SOX6: variants seen among roughly 807,000 people sequenced by gnomAD.
The protein encoded by SOX6 is SRY-box transcription factor 6, also known as transcription factor SOX-6.
SOX6 carries 11 observed loss-of-function variants against 97.8 expected under a neutral mutation model. The observed-to-expected ratio is 0.11, with a 90% CI of 0.07 to 0.19. The LOEUF (loss-of-function observed/expected upper bound fraction) is 0.19. Among genes scored for constraint, SOX6 ranks in the 10% least tolerant of loss-of-function variants. SOX6 has a pLI of 1.00. For synonymous variants in SOX6, 360 were observed against 371.4 expected, an observed-to-expected ratio of 0.97 and a Z score of 0.35; for missense variants, 810 against 1,039.5, an observed-to-expected ratio of 0.78 and a Z score of 3.04.
chr11:16,686,090 A>T (rs576879546), intron 3 of SOX6, among the ~76,000 whole-genome samples: 3 of 152,350 alleles, frequency 2.0e-5, no homozygotes, highest in Admixed American at 1.3e-4. Context: ...GGCCCATAAA[A>T]GCATTCTTGC....
At chr11:16,202,831 A>C (rs1851975497) in intron 4 of SOX6, among the ~76,000 whole-genome samples, 1 of 152,206 alleles carries the variant, frequency 6.6e-6, no homozygotes, top group South Asian at 2.1e-4. Flanking sequence ...ATAGCTAACT[A>C]CTAAAGACTA....
chr11:16,277,909 T>C (rs1448452096), intron 3 of SOX6, among the ~76,000 whole-genome samples: 1 of 152,118 alleles, frequency 6.6e-6, no homozygotes, highest in East Asian at 1.9e-4. Context: ...AATTTTATCA[T>C]TTACAAAGTA....
At chr11:16,638,172 T>C (rs991288184) in intron 3 of SOX6, among the ~76,000 whole-genome samples, 1 of 151,464 alleles carries the variant, frequency 6.6e-6, no homozygotes, top group African/African-American at 2.4e-5. Context: ...TTTTTGTCCT[T>C]GCGATAGTTT....
At chr11:16,021,927 C>T (rs1173079146) in intron 12 of SOX6, among the ~76,000 whole-genome samples, 1 of 151,940 alleles carries the variant, frequency 6.6e-6, no homozygotes, top group African/African-American at 2.4e-5. Flanking sequence ...TGTTATCAAC[C>T]AGAAGAAGGT....
At chr11:16,574,726 T>C (rs1467796216) in intron 4 of SOX6, among the ~76,000 whole-genome samples, 3 of 152,042 alleles carry the variant, frequency 2.0e-5, no homozygotes, top group African/African-American at 4.8e-5. Context: ...CAGAATTGTA[T>C]AGAATTTATA....
chr11:16,130,492 A>C (rs1036188364), intron 6 of SOX6, among the ~76,000 whole-genome samples: 4 of 151,966 alleles, frequency 2.6e-5, no homozygotes, highest in African/African-American at 9.7e-5. Flanking sequence ...ACAAAGGAAA[A>C]TTTTGAAACA....
chr11:16,028,732 C>T (rs1221864102), intron 12 of SOX6, among the ~76,000 whole-genome samples: 3 of 152,116 alleles, frequency 2.0e-5, no homozygotes, highest in East Asian at 1.9e-4. Context: ...CTCCACATAT[C>T]GGCCGTTTGT....
At chr11:16,633,309 C>T (rs927715363) in intron 3 of SOX6, among the ~76,000 whole-genome samples, 1 of 152,174 alleles carries the variant, frequency 6.6e-6, no homozygotes, top group Non-Finnish European at 1.5e-5. Flanking sequence ...ATTGTCAATG[C>T]TATGCTACCT....
At chr11:16,276,659 T>C (rs930793719) in intron 3 of SOX6, among the ~76,000 whole-genome samples, 2 of 152,206 alleles carry the variant, frequency 1.3e-5, no homozygotes, top group African/African-American at 4.8e-5. Flanking sequence ...GCCAGAGGAT[T>C]TGCAGGAATG....
At chr11:16,349,715 A>AGGAAAGAAGGAAGGAAGAAG (rs369882029) in intron 1 of SOX6, among the ~76,000 whole-genome samples, 2 of 41,730 alleles carry the variant, frequency 4.8e-5, no homozygotes, top group Non-Finnish European at 9.3e-5. Flanking sequence ...GAAGGAAGGA[A>AGGAAAGAAGGAAGGAAGAAG]GAAGGAAGGA....
At chr11:16,206,420 T>C (rs1852074056) in intron 4 of SOX6, among the ~76,000 whole-genome samples, 2 of 152,176 alleles carry the variant, frequency 1.3e-5, no homozygotes, top group Non-Finnish European at 2.9e-5. Flanking sequence ...TTTAGTGAGT[T>C]TTGTTTGCAT....
intron 9 of SOX6, among the ~76,000 whole-genome samples, chr11:16,061,514 G>A (rs964924701): frequency 6.6e-6 from 1 of 151,514 alleles, no homozygotes; most frequent in African/African-American, 2.4e-5. Flanking sequence ...AAATACCAAT[G>A]TCATTTTTAA....
chr11:16,393,867 T>C (rs1858263260), intron 1 of SOX6, among the ~76,000 whole-genome samples: 1 of 152,012 alleles, frequency 6.6e-6, no homozygotes, highest in Admixed American at 6.6e-5. Flanking sequence ...TCCACCTAAT[T>C]CATCCTGGTC....
intron 1 of SOX6, among the ~76,000 whole-genome samples, chr11:16,429,511 A>T (rs1194536338): frequency 6.6e-6 from 1 of 152,134 alleles, no homozygotes; most frequent in East Asian, 1.9e-4. Flanking sequence ...AAAGAATGAG[A>T]TCATACCCTT....
At chr11:16,242,270 G>A (rs1853217165) in intron 3 of SOX6, among the ~76,000 whole-genome samples, 1 of 151,932 alleles carries the variant, frequency 6.6e-6, no homozygotes, top group Admixed American at 6.6e-5. Context: ...TATTACAACT[G>A]CCTACAGTGT....
At chr11:16,056,951 T>C (rs1590165482) in intron 9 of SOX6, among the ~76,000 whole-genome samples, 1 of 152,096 alleles carries the variant, frequency 6.6e-6, no homozygotes, top group Non-Finnish European at 1.5e-5. Flanking sequence ...TTGAAGGTTT[T>C]AAAAAACAAA....
chr11:16,260,013 T>G (rs1470458055), intron 3 of SOX6, among the ~76,000 whole-genome samples: 1 of 151,694 alleles, frequency 6.6e-6, no homozygotes, highest in Non-Finnish European at 1.5e-5. Flanking sequence ...ATTTATGTAT[T>G]TATTTTTAGA....
intron 6 of SOX6, among the ~76,000 whole-genome samples, chr11:16,132,290 G>GAAAAAAGAAA: frequency 1.2e-5 from 1 of 81,440 alleles, no homozygotes; most frequent in African/African-American, 4.7e-5. Flanking sequence ...AAGGAAGGAA[G>GAAAAAAGAAA]GAAGGAAGGA....
intron 1 of SOX6, among the ~76,000 whole-genome samples, chr11:16,444,933 T>C (rs980499263): frequency 6.6e-6 from 1 of 152,220 alleles, no homozygotes; most frequent in African/African-American, 2.4e-5. Flanking sequence ...AAAAAGGTCA[T>C]GGTTAGATGT....
Sources: allele counts gnomAD v4.1 joint callset (sites outside exome capture counted in the v4.1 genomes callset), GRCh38; gene constraint gnomAD v4.1.1; transcripts MANE v1.5; gene names NCBI Gene and HGNC (gene_info 2026-07-23, HGNC 2026-07-21).